DNMT1: variants seen among roughly 807,000 people sequenced by gnomAD.
The protein encoded by DNMT1 is DNA methyltransferase 1.
Under a neutral mutation model 205.3 loss-of-function variants are expected in DNMT1, and 24 were observed. That is an observed-to-expected ratio of 0.12 (90% CI 0.08 to 0.16). The LOEUF is 0.16. DNMT1 is among the 10% of genes least tolerant of loss of function. DNMT1 has a pLI of 1.00. For missense variants in DNMT1, 1,293 were observed against 2,177.7 expected (o/e 0.59, Z 8.09); for synonymous variants, 817 against 839.8 (o/e 0.97, Z 0.47).
At chr19:10,162,852 A>T in intron 12 of DNMT1, 104 bp from the exon 13 acceptor site, 1 of 1,284,668 alleles carries the variant, frequency 7.8e-7, no homozygotes. Flanking sequence ...TGGGAAAGCA[A>T]GATACCCATG....
At chr19:10,162,935 T>C (rs2038606415) in intron 12 of DNMT1, 187 bp from the exon 13 acceptor site, 1 of 585,386 alleles carries the variant, frequency 1.7e-6, no homozygotes, top group Non-Finnish European at 3.0e-6. Flanking sequence ...TCCCCACACA[T>C]CTACATCACC....
intron 10 of DNMT1, among the ~76,000 whole-genome samples, chr19:10,167,191 CTTTTTT>C (rs1425303689): frequency 2.0e-5 from 3 of 151,784 alleles, no homozygotes; most frequent in Non-Finnish European, 4.4e-5. Flanking sequence ...TTTTCTTTTT[CTTTTTT>C]CCTTTTTTTT....
intron 9 of DNMT1, among the ~76,000 whole-genome samples, chr19:10,171,085 G>C (rs947033202): frequency 1.3e-5 from 2 of 152,032 alleles, no homozygotes; most frequent in Non-Finnish European, 2.9e-5. Flanking sequence ...TAGAATTACA[G>C]GCATGAGCCA....
chr19:10,172,533 T>C (rs2038844380), intron 9 of DNMT1, among the ~76,000 whole-genome samples: 1 of 151,080 alleles, frequency 6.6e-6, no homozygotes, highest in South Asian at 2.1e-4. Flanking sequence ...GTTGATTAAG[T>C]GGCATAGGTT....
intron 7 of DNMT1, among the ~76,000 whole-genome samples, chr19:10,174,151 T>C (rs572102372): frequency 6.6e-6 from 1 of 152,306 alleles, no homozygotes; most frequent in East Asian, 1.9e-4. Context: ...AGAGATCGCC[T>C]GGTGATACTA....
chr19:10,162,604 G>A lies in DNMT1; in HGVS notation c.1008+63C>T, dbSNP rs186188883. ...CTAAGACCAGCCTGGGCAACATGGC[G>A]AAACCCCGTCTTGGGGAAAAAAAAA... On this transcript the variant is annotated intron_variant, in intron 13 of 40. Transcript: ENST00000359526. 568 of 1,525,650 alleles carry A rather than the reference G, an allele frequency of 3.7e-4. No individual in the cohort carries two copies. In the African/African-American group the frequency reaches 5.0e-3, roughly 13 times the overall value. 94.5% of individuals were successfully genotyped at this position (1,525,650 alleles called of 1,614,324 possible).
rs745455817 is a variant in DNMT1, at chr19:10,180,443, G to A, written c.352C>T (p.Arg118Cys). 2.5e-5 allele frequency: 40 copies of A among 1,613,978 alleles called. 1 individual carries two copies. In the South Asian group the frequency reaches 3.6e-4, roughly 15 times the overall value. The stretch of plus-strand genomic sequence containing the variant: ...TTGGCATCTGCCATTCCCACTCTAC[G>A]GGCTTCACTTCTTGCTTGGTTCCCG... The part of the protein sequence containing the change: ...ENGNQARSEA[R>C]RVGMADANSP... The change falls in exon 4 of 41, where the codon CGT becomes TGT. Residue 118 changes from arginine (R) to cysteine (C), a missense_variant. Arg to Cys is a radical substitution (Grantham distance 180, BLOSUM62 -3). Around this residue, in one of 13 missense-constraint regions of DNMT1, gnomAD observed 394 missense variants for 451.6 expected, o/e 0.87. Transcript: ENST00000359526.
chr19:10,135,540 C>G (rs1568218182), intron 39 of DNMT1, 196 bp downstream of exon 39: 1 of 627,562 alleles, frequency 1.6e-6, no homozygotes, highest in East Asian at 2.8e-5. Context: ...AGTAAGGAAC[C>G]AGCATAGGGA....
chr19:10,141,912 A>T, intron 30 of DNMT1, 116 bp downstream of exon 30: 2 of 1,293,494 alleles, frequency 1.5e-6, no homozygotes, highest in Non-Finnish European at 2.1e-6. Context: ...CCAACCACCC[A>T]CTTCTTACAA....
chr19:10,140,973 C>G lies in DNMT1; in HGVS notation c.3395-64G>C. 1 of 1,613,648 alleles carries G rather than the reference C, an allele frequency of 6.2e-7. No individual in the cohort carries two copies. Among genetic ancestry groups the G allele is most frequent in the African/African-American group, 1.3e-5 (1 of 75,038 alleles). On this transcript the variant is annotated intron_variant, in intron 31 of 40. Coordinates refer to ENST00000359526, the MANE Select transcript of DNMT1 (RefSeq NM_001130823.3). The surrounding 1 kb of genome is among the most constrained non-coding windows in gnomAD (Gnocchi z 8.4). ...AGTCCAAGTCCACCTTGCTCTCAAG[C>G]GCCTTGTTAACTCAGGCGGCCTCGC...
At chr19:10,160,952 C>T (rs1003589134) in intron 13 of DNMT1, among the ~76,000 whole-genome samples, 1 of 152,094 alleles carries the variant, frequency 6.6e-6, no homozygotes, top group African/African-American at 2.4e-5. Flanking sequence ...AGAGGAAAAG[C>T]CAATTTTTTA....
At chr19:10,180,128 A>G in intron 5 of DNMT1, 59 bp downstream of exon 5, 2 of 591,212 alleles carry the variant, frequency 3.4e-6, no homozygotes, top group South Asian at 3.8e-5. Context: ...AGCCTGGCCA[A>G]CATGGTAAGA....
At position 10,160,077 on chromosome 19, in the gene DNMT1, A is replaced by G. The variant is rs765346225; in HGVS notation, c.1044-14T>C. The G allele has an allele frequency of 1.7e-5, 28 of 1,613,126 alleles. No homozygotes were observed. The African/African-American group carries it at 3.2e-4, about 18-fold the overall frequency. On this transcript the variant is annotated splice_polypyrimidine_tract_variant and intron_variant, in intron 14 of 40. Transcript: ENST00000359526. ...TTTTTCTCCGTTCTGGGGGAAAAAAAAAAATCACAAGATCGTTTGTTTAAT... is the reference window on the plus strand; with the variant it reads ...TTTTTCTCCGTTCTGGGGGAAAAAAGAAAATCACAAGATCGTTTGTTTAAT...
In DNMT1 at chr19:10,194,886, G is replaced by A; in HGVS notation, c.14C>T (p.Thr5Ile). 6.2e-7 allele frequency: 1 copy of A among 1,609,572 alleles called. No homozygotes were observed. The change falls in exon 1 of 41, where the codon ACC becomes ATC. Residue 5 changes from threonine to isoleucine, a missense_variant. Around this residue, in one of 13 missense-constraint regions of DNMT1, gnomAD observed 394 missense variants for 451.6 expected, o/e 0.87. Transcript: ENST00000359526. ...CAGTGTGGGCACCCGGGCTGGGGCG[G>A]TACGCGCCGGCATCTCGGAGGCTTC... The part of the protein sequence containing the change: MPAR[T>I]APARVPTLAV...
At chr19:10,135,938 A>G (rs2089471624) in intron 38 of DNMT1, 86 bp from the exon 39 acceptor site, 1 of 1,498,372 alleles carries the variant, frequency 6.7e-7, no homozygotes, top group African/African-American at 1.4e-5. Flanking sequence ...GCACTGTGAC[A>G]GCATACGGCC....
chr19:10,171,844 T>TAAAA (rs1257526807), intron 9 of DNMT1, among the ~76,000 whole-genome samples: 11 of 117,394 alleles, frequency 9.4e-5, no homozygotes, highest in Admixed American at 2.4e-4. Context: ...AATAAATAAA[T>TAAAA]AAAAACACAA....
intron 17 of DNMT1, among the ~76,000 whole-genome samples, chr19:10,157,453 T>C (rs2038481375): frequency 6.6e-6 from 1 of 152,140 alleles, no homozygotes; most frequent in African/African-American, 2.4e-5. Flanking sequence ...AGCACGTTCT[T>C]TAGTGAAGAC....
rs79451030 is a variant in DNMT1, at chr19:10,157,783, T to C, written c.1281-1274A>G. ...AGGCCCAGAAGAAGAGACAGAGAGA[T>C]GAAGCCAGCGTGGATCAAGGGAGGG... On this transcript the variant is annotated intron_variant, in intron 17 of 40. Coordinates refer to ENST00000359526, the MANE Select transcript of DNMT1 (RefSeq NM_001130823.3). Among the ~76,000 whole-genome samples, 983 of 152,290 alleles carry C rather than the reference T, an allele frequency of 6.5e-3. 10 individuals carry two copies. Among genetic ancestry groups the C allele is most frequent in the African/African-American group, 0.023 (939 of 41,574 alleles).
At chr19:10,144,486 G>A (rs899631210) in intron 28 of DNMT1, 1 of 208,868 alleles carries the variant, frequency 4.8e-6, no homozygotes, top group African/African-American at 2.3e-5. Context: ...GCGCATTACT[G>A]GCTACGGTGG....
Sources: allele counts gnomAD v4.1 joint callset (sites outside exome capture counted in the v4.1 genomes callset), GRCh38; gene constraint gnomAD v4.1.1; regional missense constraint gnomAD v4.1.1; non-coding constraint Gnocchi (gnomAD v3.1); transcripts MANE v1.5; gene names NCBI Gene and HGNC (gene_info 2026-07-23, HGNC 2026-07-21).